The following CUL5 variants were observed in gnomAD, a reference collection of about 807,000 sequenced individuals.
CUL5 encodes cullin 5.
In CUL5, 26 loss-of-function variants were observed where a neutral mutation model predicts 108.8. The ratio of observed to expected loss-of-function variants is 0.24; its 90% CI spans 0.18 to 0.33. The LOEUF (loss-of-function observed/expected upper bound fraction) is 0.33, where lower values mean the gene tolerates loss of function less well. CUL5 is among the 10% of genes least tolerant of loss of function. The pLI is 1.00. For synonymous variants in CUL5, 334 were observed against 298.0 expected, an observed-to-expected ratio of 1.12 and a Z score of -1.25; for missense variants, 524 against 909.2, an observed-to-expected ratio of 0.58 and a Z score of 5.45.
At chr11:108,026,062 C>T (rs544079304) in intron 1 of CUL5, among the ~76,000 whole-genome samples, 2 of 152,322 alleles carry the variant, frequency 1.3e-5, no homozygotes, top group East Asian at 3.9e-4. Flanking sequence ...GTCTCTTTCT[C>T]TTTTCACCTT....
chr11:108,043,933 G>T (rs112750774), intron 2 of CUL5, among the ~76,000 whole-genome samples: 8 of 152,090 alleles, frequency 5.3e-5, no homozygotes, highest in African/African-American at 1.9e-4. Flanking sequence ...TGAGGCAGGA[G>T]AATCATTTGA....
At chr11:108,072,099 C>T (rs1488158888) in intron 8 of CUL5, among the ~76,000 whole-genome samples, 4 of 151,980 alleles carry the variant, frequency 2.6e-5, no homozygotes, top group African/African-American at 9.7e-5. Flanking sequence ...GGATTGCTTG[C>T]GCCCAAGAGG....
Position 108,009,021 on chromosome 11 carries a change from C to A in CUL5, c.-328C>A. 1 of 399,944 alleles carries A rather than the reference C, an allele frequency of 2.5e-6. No individual in the cohort carries two copies. Among genetic ancestry groups the A allele is most frequent in the South Asian group, 4.4e-5 (1 of 22,808 alleles). 24.8% of individuals were successfully genotyped at this position (399,944 alleles called of 1,614,324 possible). ...ACCACAAAGGCTAATCCGAAGGAGT[C>A]GGGGAGGCTCGTGGAGTCGATGCTT... On this transcript the variant is annotated 5_prime_UTR_variant, in exon 1 of 19. Coordinates refer to ENST00000393094, the MANE Select transcript of CUL5 (RefSeq NM_003478.6).
chr11:108,101,248 TGA>T (rs923655250), intron 18 of CUL5, among the ~76,000 whole-genome samples: 1 of 152,178 alleles, frequency 6.6e-6, no homozygotes, highest in Non-Finnish European at 1.5e-5. Flanking sequence ...ATATTGAGTG[TGA>T]GAGGGATTTG....
intron 1 of CUL5, among the ~76,000 whole-genome samples, chr11:108,025,002 T>C (rs549508937): frequency 6.6e-6 from 1 of 152,248 alleles, no homozygotes; most frequent in Non-Finnish European, 1.5e-5. Flanking sequence ...ACCTCATTGT[T>C]TAATGTCTTA....
chr11:108,046,518 G>A (rs1411246839), intron 3 of CUL5, 149 bp downstream of exon 3: 1 of 543,656 alleles, frequency 1.8e-6, no homozygotes, highest in Non-Finnish European at 3.2e-6. Context: ...TTAATGAAAT[G>A]ATCGTCATTA....
intron 2 of CUL5, among the ~76,000 whole-genome samples, chr11:108,037,737 C>T (rs753910529): frequency 1.3e-5 from 2 of 152,088 alleles, no homozygotes; most frequent in African/African-American, 2.4e-5. Flanking sequence ...TACCAAAATT[C>T]GAGACTGGCA....
chr11:108,079,058 T>A (rs1864005680), intron 11 of CUL5, among the ~76,000 whole-genome samples: 1 of 148,148 alleles, frequency 6.8e-6, no homozygotes, highest in African/African-American at 2.6e-5. Flanking sequence ...AGTAGATAGA[T>A]CTTCTTCTCT....
chr11:108,077,110 G>C (rs568084038), intron 10 of CUL5, among the ~76,000 whole-genome samples: 1 of 152,320 alleles, frequency 6.6e-6, no homozygotes, highest in South Asian at 2.1e-4. Flanking sequence ...ATTGGAGATA[G>C]AAAAGAGGAC....
intron 7 of CUL5, among the ~76,000 whole-genome samples, chr11:108,062,089 T>C (rs188604515): frequency 2.0e-5 from 3 of 152,342 alleles, no homozygotes. Flanking sequence ...AGCCAAAGCA[T>C]ATCACAATCT....
At chr11:108,052,570 C>A in intron 4 of CUL5, 90 bp from the exon 5 acceptor site, 1 of 1,271,858 alleles carries the variant, frequency 7.9e-7, no homozygotes, top group Non-Finnish European at 1.1e-6. Flanking sequence ...CCCAGGCCTA[C>A]AAATTTGATT....
intron 2 of CUL5, among the ~76,000 whole-genome samples, chr11:108,035,574 TA>T (rs35833167): frequency 0.2 from 28,841 of 141,316 alleles, 2,763 homozygotes; most frequent in Non-Finnish European, 0.23. Flanking sequence ...CCCTGTCTCT[TA>T]AAAAAAAAAA....
In CUL5 at chr11:108,052,647, C is replaced by G; in HGVS notation, c.412-13C>G. 6.3e-7 allele frequency: 1 copy of G among 1,584,830 alleles called. No homozygotes were observed. The highest frequency in any genetic ancestry group is 8.6e-7 in the Non-Finnish European group (1 of 1,164,160). On this transcript the variant is annotated splice_polypyrimidine_tract_variant and intron_variant, in intron 4 of 18. Coordinates refer to ENST00000393094, the MANE Select transcript of CUL5 (RefSeq NM_003478.6). ...ATTGAAAATTATGTTACAATTTGTT[C>G]TTGTTTTCCTAGCTTATGCTTGATA...
intron 10 of CUL5, among the ~76,000 whole-genome samples, chr11:108,077,501 G>A (rs982951525): frequency 7.9e-5 from 12 of 151,928 alleles, no homozygotes; most frequent in Middle Eastern, 3.2e-3. Flanking sequence ...ACGGTGGTGC[G>A]CACCTGTAAT....
At chr11:108,067,596 G>A (rs1345925444) in intron 7 of CUL5, among the ~76,000 whole-genome samples, 2 of 150,908 alleles carry the variant, frequency 1.3e-5, no homozygotes, top group Non-Finnish European at 2.9e-5. Context: ...ACAACATACA[G>A]TCTGAAACAC....
chr11:108,016,248 TTCTCG>T (rs1235400672), intron 1 of CUL5, among the ~76,000 whole-genome samples: 1 of 148,778 alleles, frequency 6.7e-6, no homozygotes, highest in Non-Finnish European at 1.5e-5. Flanking sequence ...TTCTCTTCTC[TTCTCG>T]TCTTCTCTTC....
chr11:108,087,276 C>T (rs1864241770), intron 11 of CUL5, among the ~76,000 whole-genome samples: 1 of 152,100 alleles, frequency 6.6e-6, no homozygotes, highest in Admixed American at 6.5e-5. Context: ...TTGATGCATC[C>T]AGTAAAATTT....
chr11:108,050,280 C>T (rs983328877), intron 4 of CUL5, among the ~76,000 whole-genome samples: 2 of 151,976 alleles, frequency 1.3e-5, no homozygotes, highest in African/African-American at 2.4e-5. Flanking sequence ...TATAGATCTG[C>T]ATCTTCAACC....
Position 108,046,348 on chromosome 11 carries a change from G to A in CUL5, c.213G>A (p.Glu71=), listed in dbSNP as rs145113022. The part of the protein sequence containing the change: ...IHQALKEDIL[E]FIKQAQARVL... ...AGGCTTTAAAAGAAGATATTCTTGA[G>A]TTTATTAAGCAAGCACAGGCAGTAA... Residue 71 remains glutamate (E), a synonymous_variant, in exon 3 of 19, where the codon GAG becomes GAA. Transcript: ENST00000393094. 6.2e-7 allele frequency: 1 copy of A among 1,611,570 alleles called. No individual in the cohort carries two copies. Among genetic ancestry groups the A allele is most frequent in the South Asian group, 1.1e-5 (1 of 90,876 alleles).
Sources: allele counts gnomAD v4.1 joint callset (sites outside exome capture counted in the v4.1 genomes callset), GRCh38; gene constraint gnomAD v4.1.1; transcripts MANE v1.5; gene names NCBI Gene and HGNC (gene_info 2026-07-23, HGNC 2026-07-21).